WDFY4: variants seen among roughly 807,000 people sequenced by gnomAD.
WDFY4 encodes the protein WDFY family member 4, also known as WD repeat- and FYVE domain-containing protein 4.
Under a neutral mutation model 351.9 loss-of-function variants are expected in WDFY4, and 169 were observed. The ratio of observed to expected loss-of-function variants is 0.48; its 90% CI spans 0.42 to 0.55. The LOEUF is 0.55. WDFY4 is among the 20% of genes least tolerant of loss of function. The pLI is 0.00. For missense variants in WDFY4, 3,803 were observed against 3,935.6 expected (o/e 0.97, Z 0.90); for synonymous variants, 1,622 against 1,574.6 (o/e 1.03, Z -0.71).
Position 48,743,223 on chromosome 10 carries a change from G to A in WDFY4, c.2134G>A (p.Ala712Thr). Residue 712 changes from alanine (A) to threonine (T), a missense_variant, in exon 12 of 62, where the codon GCC becomes ACC. Ala to Thr is a moderately conservative substitution (Grantham distance 58, BLOSUM62 0). Around this residue, in one of 3 missense-constraint regions of WDFY4, gnomAD observed 3,054 missense variants for 3,148.6 expected, o/e 0.97. Transcript: ENST00000325239. ...GAGGAATGGGCTCTTTGAGAAGCTG[G>A]CCGAGGACCTCTGCCTGCTGGGCTG... ...FRRNGLFEKL[A>T]EDLCLLGCFG... 3 of 1,551,716 alleles carry A rather than the reference G, an allele frequency of 1.9e-6. No homozygotes were observed. The highest frequency in any genetic ancestry group is 2.6e-6 in the Non-Finnish European group (3 of 1,147,000).
At position 48,969,319 on chromosome 10, in the gene WDFY4, C is replaced by T. The variant is rs531145774; in HGVS notation, c.8769+71C>T. ...TCCTCCAGCTGGAGGCAGAGATGGCCCAGAGATAAGTGAGTCCAAAGCAAC... is the reference window on the plus strand; with the variant it reads ...TCCTCCAGCTGGAGGCAGAGATGGCTCAGAGATAAGTGAGTCCAAAGCAAC... On this transcript the variant is annotated intron_variant, in intron 56 of 61. Transcript: ENST00000325239. 7.0e-5 allele frequency: 106 copies of T among 1,518,780 alleles called. 2 individuals are homozygous for T. In the South Asian group the frequency reaches 1.2e-3, roughly 17 times the overall value. 94.1% of individuals were successfully genotyped at this position (1,518,780 alleles called of 1,614,324 possible). A position where few individuals can be genotyped will look rare whatever the true frequency, so the allele number is the denominator to read the frequency against.
At chr10:48,973,213 T>C (rs558084238) in intron 57 of WDFY4, among the ~76,000 whole-genome samples, 1 of 152,316 alleles carries the variant, frequency 6.6e-6, no homozygotes, top group Non-Finnish European at 1.5e-5. Context: ...TCTTTGGCAT[T>C]GCTATTTCCC....
intron 6 of WDFY4, among the ~76,000 whole-genome samples, chr10:48,726,324 T>C (rs1197711949): frequency 6.6e-6 from 1 of 152,234 alleles, no homozygotes; most frequent in African/African-American, 2.4e-5. Context: ...GGAAAGAGGA[T>C]CTCACTATGC....
intron 47 of WDFY4, chr10:48,914,292 C>G: frequency 1.1e-6 from 1 of 895,730 alleles, no homozygotes. Flanking sequence ...GGCTCCCCCA[C>G]GTCATGACGC....
At chr10:48,796,727 G>A (rs1472971704) in intron 24 of WDFY4, among the ~76,000 whole-genome samples, 2 of 152,216 alleles carry the variant, frequency 1.3e-5, no homozygotes, top group East Asian at 3.8e-4. Flanking sequence ...TGTCATGAGG[G>A]TTAAGCCAGA....
intron 43 of WDFY4, chr10:48,878,363 G>A (rs60994897): frequency 0.034 from 5,217 of 152,272 alleles, 142 homozygotes; most frequent in African/African-American, 0.076. Flanking sequence ...AGGGACTGAG[G>A]GAGAGCCTGG....
At chr10:48,818,892 AGCCT>A (rs2067712977) in intron 32 of WDFY4, among the ~76,000 whole-genome samples, 1 of 152,236 alleles carries the variant, frequency 6.6e-6, no homozygotes, top group African/African-American at 2.4e-5. Flanking sequence ...AGGCGCAGGC[AGCCT>A]GGCCAGGGAG....
At chr10:48,791,004 G>T in intron 23 of WDFY4, 87 bp downstream of exon 23, 1 of 1,470,318 alleles carries the variant, frequency 6.8e-7, no homozygotes, top group Non-Finnish European at 9.2e-7. Context: ...TGCCTCAGTT[G>T]CATTCCCTCC....
At chr10:48,910,993 A>C (rs951666273) in intron 47 of WDFY4, 3 of 763,010 alleles carry the variant, frequency 3.9e-6, no homozygotes, top group Non-Finnish European at 4.8e-6. Context: ...AGGGGGAGAA[A>C]TTGAAATGGA....
At chr10:48,885,769 AATAG>A (rs374245368) in intron 43 of WDFY4, among the ~76,000 whole-genome samples, 65 of 152,132 alleles carry the variant, frequency 4.3e-4, no homozygotes, top group African/African-American at 1.5e-3. Flanking sequence ...TAGATAGATA[AATAG>A]ATAGATAGCA....
At position 48,865,872 on chromosome 10, in the gene WDFY4, G is replaced by A. The variant is rs570423790; in HGVS notation, c.6664-1393G>A. Among the ~76,000 whole-genome samples, 167 of 152,178 alleles carry A rather than the reference G, an allele frequency of 1.1e-3. 1 individual carries two copies. The highest frequency in any genetic ancestry group is 3.4e-3 in the African/African-American group (143 of 41,536). On this transcript the variant is annotated intron_variant, in intron 39 of 61. Coordinates refer to ENST00000325239, the MANE Select transcript of WDFY4 (RefSeq NM_001394531.1). ...CTATTTAATTTATTGGCATACAATT[G>A]TTTATAGTATTTTTTTATAATCTTT...
intron 44 of WDFY4, among the ~76,000 whole-genome samples, chr10:48,895,951 G>A (rs1837055209): frequency 6.6e-6 from 1 of 152,158 alleles, no homozygotes; most frequent in Admixed American, 6.5e-5. Context: ...CCTTTTCAGT[G>A]AGTTCCTTAT....
At chr10:48,968,271 G>A (rs1272771160) in intron 55 of WDFY4, 1 of 152,332 alleles carries the variant, frequency 6.6e-6, no homozygotes. Flanking sequence ...AGATGCTGGT[G>A]CCACTCCGAG....
intron 32 of WDFY4, among the ~76,000 whole-genome samples, chr10:48,818,902 G>A (rs1170382444): frequency 1.3e-5 from 2 of 152,226 alleles, no homozygotes; most frequent in Non-Finnish European, 2.9e-5. Context: ...AGCCTGGCCA[G>A]GGAGAGATCA....
intron 12 of WDFY4, among the ~76,000 whole-genome samples, chr10:48,750,882 T>C (rs2065162171): frequency 6.6e-6 from 1 of 152,246 alleles, no homozygotes; most frequent in African/African-American, 2.4e-5. Flanking sequence ...GGACTGGGTC[T>C]GCAGCTACAT....
intron 18 of WDFY4, among the ~76,000 whole-genome samples, chr10:48,779,260 AC>A (rs1459205421): frequency 6.6e-6 from 1 of 152,192 alleles, no homozygotes; most frequent in Non-Finnish European, 1.5e-5. Flanking sequence ...CATATGCTCA[AC>A]CCCAAACCCA....
chr10:48,787,959 T>C (rs865871658), intron 20 of WDFY4, among the ~76,000 whole-genome samples: 30 of 94,138 alleles, frequency 3.2e-4, no homozygotes, highest in South Asian at 1.5e-3. Flanking sequence ...TTCTTCTTCT[T>C]CTTCTTCTTC....
chr10:48,982,791 T>A lies in WDFY4; in HGVS notation c.*216T>A. ...GGATGAGCACACACACTCGGAGGGC[T>A]GAGCAGCACGCTGGAAACTGTGACT... On this transcript the variant is annotated 3_prime_UTR_variant, in exon 62 of 62. Coordinates refer to ENST00000325239, the MANE Select transcript of WDFY4 (RefSeq NM_001394531.1). The A allele has an allele frequency of 1.7e-6, 1 of 596,014 alleles. No individual in the cohort carries two copies. The highest frequency in any genetic ancestry group is 1.5e-5 in the South Asian group (1 of 65,618). The allele number at this position is 596,014 out of a possible 1,614,324, so 36.9% of individuals were successfully genotyped here. A position where few individuals can be genotyped will look rare whatever the true frequency, so the allele number is the denominator to read the frequency against.
chr10:48,750,284 G>T (rs761195217), intron 12 of WDFY4, among the ~76,000 whole-genome samples: 1 of 152,226 alleles, frequency 6.6e-6, no homozygotes, highest in Middle Eastern at 3.2e-3. Flanking sequence ...TGACCCTGTC[G>T]TTCCCACTTG....
Sources: allele counts gnomAD v4.1 joint callset (sites outside exome capture counted in the v4.1 genomes callset), GRCh38; gene constraint gnomAD v4.1.1; regional missense constraint gnomAD v4.1.1; transcripts MANE v1.5; gene names NCBI Gene and HGNC (gene_info 2026-07-23, HGNC 2026-07-21).